Variants in GPC6 observed in about 807,000 individuals in gnomAD.
GPC6 encodes glypican 6, also known as glypican-6.
GPC6 carries 14 observed loss-of-function variants against 55.2 expected under a neutral mutation model. The ratio of observed to expected loss-of-function variants is 0.25; its 90% CI spans 0.17 to 0.40. The LOEUF is 0.40. Ranked by LOEUF, GPC6 falls within the 10% of genes least tolerant of loss-of-function variation. The pLI is 1.00. For missense variants in GPC6, 641 were observed against 708.5 expected (o/e 0.90, Z 1.08); for synonymous variants, 278 against 259.6 (o/e 1.07, Z -0.68).
rs1223207477 is a variant in GPC6, at chr13:93,571,130, G to T, written c.319+25709G>T. Among the ~76,000 whole-genome samples the T allele has an allele frequency of 3.9e-5, 6 of 152,144 alleles. No homozygotes were observed. The East Asian group carries it at 1.2e-3, about 29-fold the overall frequency. On this transcript the variant is annotated intron_variant, in intron 2 of 8. Transcript: ENST00000377047. The stretch of plus-strand genomic sequence containing the variant: ...TCTAATATCAGCGTTGCAGAAAGAA[G>T]TCCTGCCCTGTATTGAGTGGAAGAG...
At chr13:93,627,590 A>C (rs1879255461) in intron 2 of GPC6, among the ~76,000 whole-genome samples, 1 of 152,166 alleles carries the variant, frequency 6.6e-6, no homozygotes, top group African/African-American at 2.4e-5. Flanking sequence ...CCACTTCTAT[A>C]AGTACGCTTC....
intron 3 of GPC6, among the ~76,000 whole-genome samples, chr13:93,835,105 A>G (rs1887682867): frequency 6.6e-6 from 1 of 152,194 alleles, no homozygotes; most frequent in Admixed American, 6.5e-5. Flanking sequence ...GGAAATGACT[A>G]TAGTGTCTTC....
At chr13:93,844,428 C>T (rs943553840) in intron 3 of GPC6, among the ~76,000 whole-genome samples, 5 of 152,192 alleles carry the variant, frequency 3.3e-5, no homozygotes, top group African/African-American at 4.8e-5. Flanking sequence ...TGAGCCATCA[C>T]GCCTGGCCGG....
intron 3 of GPC6, among the ~76,000 whole-genome samples, chr13:93,906,778 T>C (rs1385924865): frequency 6.6e-6 from 1 of 152,188 alleles, no homozygotes; most frequent in Non-Finnish European, 1.5e-5. Flanking sequence ...AGCTCTAAGA[T>C]ACTCAGCTGT....
At chr13:93,413,844 A>C (rs1005848568) in intron 1 of GPC6, among the ~76,000 whole-genome samples, 55 of 152,208 alleles carry the variant, frequency 3.6e-4, no homozygotes, top group African/African-American at 1.2e-3. Context: ...ACTCAGGAAT[A>C]ATTCTGCACT....
At chr13:93,959,830 C>T (rs946808335) in intron 3 of GPC6, among the ~76,000 whole-genome samples, 9 of 152,106 alleles carry the variant, frequency 5.9e-5, no homozygotes, top group African/African-American at 7.2e-5. Context: ...TTAGAAATGA[C>T]GAAACTAAAG....
rs147382232 is a variant in GPC6 at position 94,306,909 on chromosome 13, T to A, written c.1152+786T>A. On this transcript the variant is annotated intron_variant, in intron 6 of 8. Transcript: ENST00000377047. The stretch of plus-strand genomic sequence containing the variant: ...GCTATTAATGTTGCTTTGCCAATTA[T>A]CTTGATGTAAAATTAACAGATAAAA... Among the ~76,000 whole-genome samples, 28 of 152,364 alleles carry A rather than the reference T, an allele frequency of 1.8e-4. No individual in the cohort carries two copies. In the East Asian group the frequency reaches 4.6e-3, roughly 25 times the overall value.
chr13:93,635,900 C>T (rs990592604), intron 2 of GPC6, among the ~76,000 whole-genome samples: 8 of 152,122 alleles, frequency 5.3e-5, no homozygotes, highest in African/African-American at 1.9e-4. Flanking sequence ...AGAGGTTGCC[C>T]TTTCTCCAGC....
intron 2 of GPC6, among the ~76,000 whole-genome samples, chr13:93,804,314 A>C (rs553227388): frequency 1.3e-5 from 2 of 152,254 alleles, no homozygotes; most frequent in African/African-American, 4.8e-5. Context: ...CAATTTTCTG[A>C]TAGCTTGATG....
At chr13:93,221,388 T>C in the GPC6 span, among the ~76,000 whole-genome samples, 1 of 152,186 alleles carries the variant, frequency 6.6e-6, no homozygotes, top group African/African-American at 2.4e-5. Flanking sequence ...TCTGATTAAG[T>C]AGATCACATG....
At chr13:93,550,105 A>G (rs1875060480) in intron 2 of GPC6, among the ~76,000 whole-genome samples, 1 of 152,160 alleles carries the variant, frequency 6.6e-6, no homozygotes, top group South Asian at 2.1e-4. Context: ...TTAAAGAGGA[A>G]TGGGTGTTTT....
intron 3 of GPC6, among the ~76,000 whole-genome samples, chr13:93,962,958 T>C (rs1879855550): frequency 6.6e-6 from 1 of 152,192 alleles, no homozygotes; most frequent in African/African-American, 2.4e-5. Context: ...TCACCATTAA[T>C]ATTTATTGAA....
At chr13:93,861,047 G>A (rs1053827961) in intron 3 of GPC6, among the ~76,000 whole-genome samples, 2 of 151,372 alleles carry the variant, frequency 1.3e-5, no homozygotes, top group Non-Finnish European at 3.0e-5. Flanking sequence ...TATAAAATGG[G>A]AATACTAATA....
At chr13:93,428,777 C>A (rs1409150181) in intron 1 of GPC6, among the ~76,000 whole-genome samples, 2 of 152,090 alleles carry the variant, frequency 1.3e-5, no homozygotes, top group Non-Finnish European at 2.9e-5. Context: ...CCTCTTCTTC[C>A]CTATACCTCA....
intron 1 of GPC6, among the ~76,000 whole-genome samples, chr13:93,459,710 C>T (rs79041129): frequency 0.026 from 4,000 of 152,170 alleles, 74 homozygotes; most frequent in Admixed American, 0.039. Context: ...TGCTCTCGAT[C>T]CTCCCCTAAT....
intron 1 of GPC6, among the ~76,000 whole-genome samples, chr13:93,286,229 C>T (rs1443860864): frequency 1.3e-5 from 2 of 152,110 alleles, no homozygotes; most frequent in Non-Finnish European, 2.9e-5. Flanking sequence ...TCTTATAAAA[C>T]CATCAGATCT....
At chr13:93,905,802 C>T (rs1047137592) in intron 3 of GPC6, among the ~76,000 whole-genome samples, 1 of 151,902 alleles carries the variant, frequency 6.6e-6, no homozygotes. Flanking sequence ...TCAAGATTGA[C>T]AATGATGAAA....
At chr13:93,896,193 T>G (rs1333425455) in intron 3 of GPC6, among the ~76,000 whole-genome samples, 1 of 151,974 alleles carries the variant, frequency 6.6e-6, no homozygotes, top group Non-Finnish European at 1.5e-5. Context: ...CCATAAAAAT[T>G]AACTATGATA....
At chr13:93,784,433 T>C (rs961198949) in intron 2 of GPC6, among the ~76,000 whole-genome samples, 1 of 152,178 alleles carries the variant, frequency 6.6e-6, no homozygotes, top group African/African-American at 2.4e-5. Flanking sequence ...TCTGTTTATG[T>C]AATGTACTCC....
Sources: gnomAD v4.1 joint callset for allele counts (sites outside exome capture counted in the v4.1 genomes callset) on GRCh38, gnomAD v4.1.1 for gene constraint, MANE v1.5 for transcripts, NCBI Gene and HGNC (gene_info 2026-07-23, HGNC 2026-07-21) for gene names.